Variants in VIPR2 observed in about 807,000 individuals in gnomAD.
VIPR2 encodes vasoactive intestinal polypeptide receptor 2.
VIPR2 carries 48 observed loss-of-function variants against 58.0 expected under a neutral mutation model. The ratio of observed to expected loss-of-function variants is 0.83; its 90% CI spans 0.66 to 1.05. The LOEUF is 1.05. Ranked by LOEUF, VIPR2 falls within the 50% of genes least tolerant of loss-of-function variation. The pLI is 0.00. For missense variants in VIPR2, 534 were observed against 558.0 expected, an observed-to-expected ratio of 0.96 and a Z score of 0.43; for synonymous variants, 243 against 235.2, an observed-to-expected ratio of 1.03 and a Z score of -0.30.
intron 2 of VIPR2, among the ~76,000 whole-genome samples, chr7:159,140,938 T>C (rs546182991): frequency 4.0e-5 from 6 of 151,280 alleles, no homozygotes; most frequent in South Asian, 4.2e-4. Context: ...CTCAAAATCT[T>C]TTTTTTTTAA....
rs1796726238 is a variant in VIPR2, at chr7:159,128,183, G to A, written c.151+14263C>T. On this transcript the variant is annotated intron_variant, in intron 2 of 12. Coordinates refer to ENST00000262178, the MANE Select transcript of VIPR2 (RefSeq NM_003382.5). This position sits in a 1 kb window ranked among gnomAD's most constrained non-coding sequence, Gnocchi z 4.1. ...GGGGACACCACCCCAGCTTAGTCAG[G>A]GCCAGCAGCTGTGCCCAGGGTCCAC... 6.6e-6 allele frequency among the ~76,000 whole-genome samples: 1 copy of A among 152,066 alleles called. No individual in the cohort carries two copies. The highest frequency in any genetic ancestry group is 1.5e-5 in the Non-Finnish European group (1 of 67,990).
At chr7:159,079,346 T>C (rs1856794094) in intron 4 of VIPR2, among the ~76,000 whole-genome samples, 1 of 152,088 alleles carries the variant, frequency 6.6e-6, no homozygotes, top group Non-Finnish European at 1.5e-5. Context: ...ACATGGAAAC[T>C]GAACAACCTG....
At chr7:159,035,801 T>C (rs746628720) in intron 8 of VIPR2, 151 bp downstream of exon 8, 2 of 1,419,258 alleles carry the variant, frequency 1.4e-6, no homozygotes, top group Non-Finnish European at 1.8e-6. Flanking sequence ...TTTCTCCCCA[T>C]GAATCGCCCA....
intron 4 of VIPR2, among the ~76,000 whole-genome samples, chr7:159,080,563 AG>A (rs1342886186): frequency 6.6e-6 from 1 of 152,226 alleles, no homozygotes; most frequent in African/African-American, 2.4e-5. Context: ...GGCACAAGAC[AG>A]GGATGCCCTC....
At chr7:159,063,022 T>C (rs1411956403) in intron 4 of VIPR2, among the ~76,000 whole-genome samples, 1 of 152,144 alleles carries the variant, frequency 6.6e-6, no homozygotes, top group Non-Finnish European at 1.5e-5. Context: ...ATTTACAATC[T>C]CTTAGCTAGA....
chr7:159,114,420 G>A (rs1407595731), intron 2 of VIPR2, among the ~76,000 whole-genome samples: 1 of 152,094 alleles, frequency 6.6e-6, no homozygotes, highest in East Asian at 1.9e-4. Context: ...AAAAGTGCTC[G>A]GATAAGGCAG....
chr7:159,068,859 TTCA>T (rs1856237881), intron 4 of VIPR2, among the ~76,000 whole-genome samples: 1 of 151,946 alleles, frequency 6.6e-6, no homozygotes, highest in South Asian at 2.1e-4. Context: ...GTGATCAGAG[TTCA>T]GACTAAACAG....
intron 4 of VIPR2, among the ~76,000 whole-genome samples, chr7:159,077,931 C>T (rs1856726030): frequency 6.6e-6 from 1 of 152,216 alleles, no homozygotes; most frequent in African/African-American, 2.4e-5. Flanking sequence ...TGAACATTTC[C>T]AATTTTCCCT....
chr7:159,064,452 G>A (rs912718084), intron 4 of VIPR2, among the ~76,000 whole-genome samples: 25 of 152,238 alleles, frequency 1.6e-4, no homozygotes, highest in African/African-American at 6.0e-4. Context: ...GTCCGGGTTC[G>A]TTGTGAGTGA....
At chr7:159,068,882 A>G (rs917866301) in intron 4 of VIPR2, among the ~76,000 whole-genome samples, 1 of 152,244 alleles carries the variant, frequency 6.6e-6, no homozygotes, top group Non-Finnish European at 1.5e-5. Flanking sequence ...GTCAGAAAAC[A>G]GTGTTTCAAA....
intron 3 of VIPR2, among the ~76,000 whole-genome samples, chr7:159,104,590 C>T (rs371078740): frequency 1.6e-3 from 173 of 105,496 alleles, no homozygotes; most frequent in East Asian, 7.2e-3. Flanking sequence ...CGATGGTGAC[C>T]GGGTACCCCA....
intron 3 of VIPR2, among the ~76,000 whole-genome samples, chr7:159,104,127 T>C (rs557502341): frequency 1.3e-5 from 2 of 152,308 alleles, no homozygotes; most frequent in South Asian, 4.2e-4. Flanking sequence ...TGTAGTTCTT[T>C]TGGGGCAGAA....
At chr7:159,036,244 A>G (rs938060015) in intron 7 of VIPR2, among the ~76,000 whole-genome samples, 1 of 152,238 alleles carries the variant, frequency 6.6e-6, no homozygotes, top group Non-Finnish European at 1.5e-5. Context: ...GCCATTCCTC[A>G]TGAGAAGGGT....
intron 4 of VIPR2, among the ~76,000 whole-genome samples, chr7:159,064,303 G>T (rs1855954753): frequency 6.6e-6 from 1 of 152,044 alleles, no homozygotes. Flanking sequence ...CCTGCACCTG[G>T]GCCCCGTGGG....
rs536515653 is a variant in VIPR2, at chr7:159,142,109, TCAGA to T, written c.151+333_151+336del. Reference sequence around the variant, plus strand: ...AGCTAAGAATTTAAAATGCAAGAATTCAGATAAATGCTTATCCCCTGGAAAACTG... The same window carrying T: ...AGCTAAGAATTTAAAATGCAAGAATTTAAATGCTTATCCCCTGGAAAACTG... On this transcript the variant is annotated intron_variant, in intron 2 of 12. Transcript: ENST00000262178. Among the ~76,000 whole-genome samples the T allele has an allele frequency of 5.9e-5, 9 of 152,330 alleles. No homozygotes were observed. The South Asian group carries it at 1.9e-3, about 32-fold the overall frequency.
chr7:159,060,581 C>T (rs996851414), intron 4 of VIPR2, among the ~76,000 whole-genome samples: 1 of 151,794 alleles, frequency 6.6e-6, no homozygotes, highest in African/African-American at 2.4e-5. Flanking sequence ...CCACTTTACT[C>T]ACTTTATCTA....
At chr7:159,101,110 C>T (rs968635355) in intron 4 of VIPR2, among the ~76,000 whole-genome samples, 10 of 144,044 alleles carry the variant, frequency 6.9e-5, no homozygotes, top group Admixed American at 4.2e-4. Flanking sequence ...TCCGACGAGG[C>T]GGTTCCGACT....
chr7:159,126,167 CCT>C (rs1445110658), intron 2 of VIPR2, among the ~76,000 whole-genome samples: 3 of 152,172 alleles, frequency 2.0e-5, no homozygotes, highest in South Asian at 2.1e-4. Flanking sequence ...CTGAAATCTC[CCT>C]GTCAGTGACA....
chr7:159,079,199 A>G (rs1327801654), intron 4 of VIPR2, among the ~76,000 whole-genome samples: 3 of 152,218 alleles, frequency 2.0e-5, no homozygotes, highest in Non-Finnish European at 4.4e-5. Flanking sequence ...TGAGATTCCA[A>G]AATTGACCAC....
Sources: allele counts gnomAD v4.1 joint callset (sites outside exome capture counted in the v4.1 genomes callset), GRCh38; gene constraint gnomAD v4.1.1; non-coding constraint Gnocchi (gnomAD v3.1); transcripts MANE v1.5; gene names NCBI Gene and HGNC (gene_info 2026-07-23, HGNC 2026-07-21).